The following BABAM2 variants were observed in gnomAD, a reference collection of about 807,000 sequenced individuals.
The protein encoded by BABAM2 is BRISC and BRCA1 A complex member 2, also known as BRISC and BRCA1-A complex member 2.
BABAM2 carries 31 observed loss-of-function variants against 54.7 expected under a neutral mutation model. The observed-to-expected ratio is 0.57, with a 90% CI of 0.43 to 0.77. BABAM2 has a LOEUF of 0.77. Ranked by LOEUF, BABAM2 falls within the 30% of genes least tolerant of loss-of-function variation. The probability of loss-of-function intolerance (pLI) is 0.00; values close to 1 mark genes in which losing one functional copy is unlikely to be tolerated. For synonymous variants in BABAM2, 167 were observed against 162.9 expected, an observed-to-expected ratio of 1.03 and a Z score of -0.19; for missense variants, 364 against 455.8, an observed-to-expected ratio of 0.80 and a Z score of 1.83.
At chr2:28,103,930 C>T (rs1247801453) in intron 6 of BABAM2, among the ~76,000 whole-genome samples, 1 of 152,180 alleles carries the variant, frequency 6.6e-6, no homozygotes, top group Non-Finnish European at 1.5e-5. Flanking sequence ...CCTCCTATGT[C>T]ATTTTTTCTT....
chr2:28,236,537 TGTATTTTTA>T (rs1681934339), intron 7 of BABAM2, among the ~76,000 whole-genome samples: 1 of 152,130 alleles, frequency 6.6e-6, no homozygotes, highest in South Asian at 2.1e-4. Context: ...AGCTAATCTT[TGTATTTTTA>T]GTAGAGACAG....
chr2:28,208,868 T>G (rs997128473), intron 7 of BABAM2, among the ~76,000 whole-genome samples: 1 of 152,144 alleles, frequency 6.6e-6, no homozygotes, highest in Non-Finnish European at 1.5e-5. Context: ...AATGCCCCAG[T>G]CCCTGGTGAA....
intron 5 of BABAM2, among the ~76,000 whole-genome samples, chr2:28,029,247 C>T (rs968933378): frequency 8.6e-5 from 13 of 151,994 alleles, no homozygotes; most frequent in African/African-American, 2.4e-4. Context: ...CTACATTTGC[C>T]GTCTTTACTA....
intron 10 of BABAM2, among the ~76,000 whole-genome samples, chr2:28,293,555 A>AT (rs1238359577): frequency 6.6e-6 from 1 of 152,224 alleles, no homozygotes; most frequent in African/African-American, 2.4e-5. Context: ...GGAACCCATC[A>AT]CTGCAGTGAC....
At chr2:28,327,256 T>C in intron 11 of BABAM2, 2 of 1,590,860 alleles carry the variant, frequency 1.3e-6, no homozygotes, top group East Asian at 2.3e-5. Flanking sequence ...TCCTCCTCCT[T>C]CTCATCTGCT....
At chr2:28,079,652 T>C (rs1664991037) in intron 6 of BABAM2, among the ~76,000 whole-genome samples, 1 of 152,176 alleles carries the variant, frequency 6.6e-6, no homozygotes, top group South Asian at 2.1e-4. Flanking sequence ...CTTACCTTCA[T>C]ACTTATTTTC....
intron 10 of BABAM2, among the ~76,000 whole-genome samples, chr2:28,251,448 C>T (rs1683474461): frequency 6.6e-6 from 1 of 152,176 alleles, no homozygotes; most frequent in African/African-American, 2.4e-5. Context: ...TCAGGCTCTC[C>T]AATTCCTGGT....
At chr2:28,189,264 A>G (rs975401714) in intron 7 of BABAM2, among the ~76,000 whole-genome samples, 1 of 152,210 alleles carries the variant, frequency 6.6e-6, no homozygotes, top group Non-Finnish European at 1.5e-5. Context: ...GGATTTACAA[A>G]TAAATATAAA....
intron 10 of BABAM2, among the ~76,000 whole-genome samples, chr2:28,254,774 C>T (rs1356448814): frequency 3.4e-5 from 5 of 146,674 alleles, no homozygotes; most frequent in Non-Finnish European, 5.9e-5. Context: ...CTCTGTAGAC[C>T]AGGCCAACGT....
At chr2:28,300,380 A>C (rs1328150680) in intron 11 of BABAM2, among the ~76,000 whole-genome samples, 1 of 152,212 alleles carries the variant, frequency 6.6e-6, no homozygotes, top group Non-Finnish European at 1.5e-5. Flanking sequence ...CGTGACACCC[A>C]AGTCTGAAAT....
intron 6 of BABAM2, among the ~76,000 whole-genome samples, chr2:28,106,665 T>G (rs1219031154): frequency 6.6e-6 from 1 of 152,346 alleles, no homozygotes; most frequent in Middle Eastern, 3.4e-3. Context: ...GACTCATTAC[T>G]GTTGATGTGT....
chr2:27,915,534 G>A (rs773746328), intron 2 of BABAM2, among the ~76,000 whole-genome samples: 21 of 152,056 alleles, frequency 1.4e-4, no homozygotes, highest in Non-Finnish European at 2.5e-4. Flanking sequence ...ATCTAAGAAC[G>A]AAATCCTTTC....
At chr2:28,119,741 T>C (rs1668903911) in intron 6 of BABAM2, among the ~76,000 whole-genome samples, 1 of 152,264 alleles carries the variant, frequency 6.6e-6, no homozygotes, top group Admixed American at 6.5e-5. Context: ...AAAAAAAAAC[T>C]TACCCTATTC....
intron 3 of BABAM2, among the ~76,000 whole-genome samples, chr2:27,936,951 T>A (rs1392759233): frequency 6.6e-6 from 1 of 151,446 alleles, no homozygotes; most frequent in Non-Finnish European, 1.5e-5. Flanking sequence ...AGTATAATAA[T>A]AATAACAAAT....
chr2:28,168,915 G>A (rs1163131731), intron 7 of BABAM2, among the ~76,000 whole-genome samples: 1 of 152,162 alleles, frequency 6.6e-6, no homozygotes, highest in Non-Finnish European at 1.5e-5. Context: ...TAACAACACT[G>A]TAGGTGAGGG....
At chr2:28,128,386 G>A (rs144405619) in intron 6 of BABAM2, among the ~76,000 whole-genome samples, 2 of 152,294 alleles carry the variant, frequency 1.3e-5, no homozygotes, top group South Asian at 2.1e-4. Flanking sequence ...TGTGTGCCAC[G>A]AGATTTATTT....
At chr2:28,052,995 A>G (rs376844145) in intron 6 of BABAM2, among the ~76,000 whole-genome samples, 2 of 152,196 alleles carry the variant, frequency 1.3e-5, no homozygotes, top group Admixed American at 6.5e-5. Flanking sequence ...CTTGAAGCCC[A>G]TTTAGCATTA....
At chr2:28,174,363 A>G (rs183160815) in intron 7 of BABAM2, among the ~76,000 whole-genome samples, 47 of 152,372 alleles carry the variant, frequency 3.1e-4, no homozygotes, top group Admixed American at 1.7e-3. Flanking sequence ...GGTGAAAAAT[A>G]AAGCAAGGCT....
upstream of BABAM2, chr2:27,890,021 T>C (rs1333865816): frequency 1.1e-5 from 5 of 462,902 alleles, no homozygotes; most frequent in East Asian, 1.4e-4. The surrounding 1 kb of genome is among the most constrained non-coding windows in gnomAD (Gnocchi z 4.8). Flanking sequence ...TGAGTAATAT[T>C]AGAGCTTTCA....
Sources: gnomAD v4.1 joint callset for allele counts (sites outside exome capture counted in the v4.1 genomes callset) on GRCh38, gnomAD v4.1.1 for gene constraint, Gnocchi (gnomAD v3.1) non-coding constraint, MANE v1.5 for transcripts, NCBI Gene and HGNC (gene_info 2026-07-23, HGNC 2026-07-21) for gene names.